Variants in ABI1 observed in about 807,000 individuals in gnomAD.
ABI1 encodes abl interactor 1, also known as Abelson interactor 1.
ABI1 carries 14 observed loss-of-function variants against 54.6 expected under a neutral mutation model. That is an observed-to-expected ratio of 0.26 (90% confidence interval 0.17 to 0.40). The LOEUF is 0.40. ABI1 is among the 10% of genes least tolerant of loss of function. The probability of loss-of-function intolerance (pLI) is 1.00; values close to 1 mark genes in which losing one functional copy is unlikely to be tolerated. For synonymous variants in ABI1, 194 were observed against 209.3 expected (o/e 0.93, Z 0.63); for missense variants, 443 against 598.3 (o/e 0.74, Z 2.71).
Position 26,751,678 on chromosome 10 carries a change from T to A in ABI1, c.1190A>T (p.Glu397Val). Residue 397 changes from glutamate (E) to valine (V), a missense_variant, in exon 10 of 11, where the codon GAG becomes GTG. Transcript: ENST00000376140. ...PPPPPVDYED[E>V]EAAVVQYNDP... Reference sequence around the variant, plus strand: ...ATTATACTGAACTACTGCAGCCTCCTCATCTTCATAATCCACTGGTGGTGG... The same window carrying A: ...ATTATACTGAACTACTGCAGCCTCCACATCTTCATAATCCACTGGTGGTGG... 6.2e-7 allele frequency: 1 copy of A among 1,614,050 alleles called. No homozygotes were observed. The highest frequency in any genetic ancestry group is 1.3e-5 in the African/African-American group (1 of 75,036).
chr10:26,758,188 C>T (rs1198566336), intron 8 of ABI1, among the ~76,000 whole-genome samples: 1 of 150,862 alleles, frequency 6.6e-6, no homozygotes, highest in Non-Finnish European at 1.5e-5. Context: ...ATGGAGAATT[C>T]ACTGAGTATT....
chr10:26,788,264 A>AT (rs1277408238), intron 2 of ABI1, among the ~76,000 whole-genome samples: 3 of 152,224 alleles, frequency 2.0e-5, no homozygotes, highest in African/African-American at 7.2e-5. Context: ...ATGTGGAACT[A>AT]TAAGCCCAAC....
intron 5 of ABI1, among the ~76,000 whole-genome samples, 194 bp from the exon 6 acceptor site, chr10:26,769,186 T>G (rs771774353): frequency 1.3e-5 from 2 of 152,302 alleles, no homozygotes; most frequent in South Asian, 4.1e-4. Flanking sequence ...AACTAAAATT[T>G]GTTACCTTTT....
rs1309709462 is a variant in ABI1 at position 26,804,255 on chromosome 10, T to C, written c.285+18883A>G. Among the ~76,000 whole-genome samples, 5 of 151,960 alleles carry C rather than the reference T, an allele frequency of 3.3e-5. No individual in the cohort carries two copies. In the East Asian group the frequency reaches 9.7e-4, roughly 29 times the overall value. On this transcript the variant is annotated intron_variant, in intron 2 of 10. Coordinates refer to ENST00000376140, the MANE Select transcript of ABI1 (RefSeq NM_001012750.3). Reference sequence around the variant, plus strand: ...AAAATTAGCCAGTCGTCGTGGTGCATGTCTGTAGTCCCAGCTACTTGGGAG... The same window carrying C: ...AAAATTAGCCAGTCGTCGTGGTGCACGTCTGTAGTCCCAGCTACTTGGGAG...
At chr10:26,773,986 C>A (rs149846039) in intron 3 of ABI1, among the ~76,000 whole-genome samples, 84 of 152,228 alleles carry the variant, frequency 5.5e-4, no homozygotes, top group African/African-American at 2.0e-3. Flanking sequence ...TAAAAACAAG[C>A]ACACAAACAC....
intron 3 of ABI1, among the ~76,000 whole-genome samples, chr10:26,772,510 A>C (rs1403765462): frequency 6.6e-6 from 1 of 152,198 alleles, no homozygotes. Flanking sequence ...AAATGGAAAG[A>C]ATAAAAGAAG....
chr10:26,759,684 A>G (rs535183161), intron 7 of ABI1, among the ~76,000 whole-genome samples: 1 of 152,044 alleles, frequency 6.6e-6, no homozygotes, highest in African/African-American at 2.4e-5. Context: ...CACTGACAAA[A>G]CTTTCAGAAT....
chr10:26,823,831 C>CTA (rs1352447947), intron 1 of ABI1, among the ~76,000 whole-genome samples: 1 of 152,122 alleles, frequency 6.6e-6, no homozygotes, highest in Non-Finnish European at 1.5e-5. Context: ...TTCCCAAACT[C>CTA]CTATAGATAA....
At chr10:26,859,810 C>T (rs145488498) in intron 1 of ABI1, among the ~76,000 whole-genome samples, 2 of 152,158 alleles carry the variant, frequency 1.3e-5, no homozygotes, top group Non-Finnish European at 2.9e-5. Context: ...AAGCAACCGG[C>T]GATGACACCA....
intron 2 of ABI1, among the ~76,000 whole-genome samples, chr10:26,793,401 A>G (rs1163636654): frequency 6.6e-6 from 1 of 152,194 alleles, no homozygotes; most frequent in East Asian, 1.9e-4. Context: ...ATTCAGAATG[A>G]CCCATATACA....
intron 2 of ABI1, among the ~76,000 whole-genome samples, chr10:26,819,296 TCAGA>T (rs1334888812): frequency 6.6e-6 from 1 of 152,072 alleles, no homozygotes; most frequent in Non-Finnish European, 1.5e-5. Context: ...TGTATTCATA[TCAGA>T]CAAAGCAGAT....
intron 1 of ABI1, among the ~76,000 whole-genome samples, chr10:26,857,337 AAAAAAAAAAAAAAC>A (rs1396489083): frequency 1.2e-5 from 1 of 84,122 alleles, no homozygotes; most frequent in Non-Finnish European, 2.2e-5. Context: ...AAAAAAAAAA[AAAAAAAAAAAAAAC>A]ACTTTCTGGC....
chr10:26,800,386 A>C (rs189683232), intron 2 of ABI1, among the ~76,000 whole-genome samples: 141 of 152,286 alleles, frequency 9.3e-4, no homozygotes, highest in African/African-American at 3.0e-3. Context: ...CTGTGTCTCA[A>C]AAACAAAAAC....
At chr10:26,804,678 C>T (rs2046773368) in intron 2 of ABI1, among the ~76,000 whole-genome samples, 1 of 152,180 alleles carries the variant, frequency 6.6e-6, no homozygotes, top group South Asian at 2.1e-4. Context: ...CTTATTTAAT[C>T]TCCAAGGTTA....
At chr10:26,857,555 G>T (rs934345654) in intron 1 of ABI1, among the ~76,000 whole-genome samples, 1 of 146,768 alleles carries the variant, frequency 6.8e-6, no homozygotes, top group Non-Finnish European at 1.5e-5. Context: ...GAGGTGGGAG[G>T]ATCTCCAGAG....
At chr10:26,769,767 T>A (rs150963539) in intron 5 of ABI1, among the ~76,000 whole-genome samples, 1 of 152,138 alleles carries the variant, frequency 6.6e-6, no homozygotes, top group South Asian at 2.1e-4. Flanking sequence ...AGCAGAAGCA[T>A]AGTTACAAGT....
intron 1 of ABI1, among the ~76,000 whole-genome samples, chr10:26,857,541 G>T (rs555950027): frequency 6.6e-6 from 1 of 151,514 alleles, no homozygotes; most frequent in Non-Finnish European, 1.5e-5. Flanking sequence ...TACCTGGGGG[G>T]GCTGAGGTGG....
In ABI1 at chr10:26,845,253, A is replaced by C. The variant is rs1216624140; in HGVS notation, c.117+15494T>G. 2.0e-5 allele frequency among the ~76,000 whole-genome samples: 3 copies of C among 152,260 alleles called. No individual in the cohort carries two copies. In the East Asian group the frequency reaches 5.8e-4, roughly 29 times the overall value. The stretch of plus-strand genomic sequence containing the variant: ...AAAATAACAATTATTTTTCTTCCAT[A>C]CAGAACATTTCCTCATTTAACTATA... On this transcript the variant is annotated intron_variant, in intron 1 of 10. Transcript: ENST00000376140.
At chr10:26,833,320 C>G (rs957952397) in intron 1 of ABI1, among the ~76,000 whole-genome samples, 1 of 152,140 alleles carries the variant, frequency 6.6e-6, no homozygotes, top group African/African-American at 2.4e-5. Context: ...TATTTTTAAG[C>G]CTTTTCGATT....
Sources: gnomAD v4.1 joint callset for allele counts (sites outside exome capture counted in the v4.1 genomes callset) on GRCh38, gnomAD v4.1.1 for gene constraint, MANE v1.5 for transcripts, NCBI Gene and HGNC (gene_info 2026-07-23, HGNC 2026-07-21) for gene names.